C10orf143: variants seen among roughly 807,000 people sequenced by gnomAD.
C10orf143 encodes chromosome 10 open reading frame 143, also known as uncharacterized protein C10orf143.
At chr10:130,086,587 G>A (rs1861295003) in intron 1 of C10orf143, among the ~76,000 whole-genome samples, 1 of 152,174 alleles carries the variant, frequency 6.6e-6, no homozygotes, top group Non-Finnish European at 1.5e-5. Flanking sequence ...GCAAAAGGAG[G>A]TGTGTTATGT....
chr10:130,050,142 AGAC>A, intron 3 of C10orf143, among the ~76,000 whole-genome samples: 1 of 152,362 alleles, frequency 6.6e-6, no homozygotes, highest in African/African-American at 2.4e-5. Context: ...CGCCTGGGCG[AGAC>A]ATTCCTGGCA....
rs377654537 is a variant in C10orf143, at chr10:130,064,069, G to T, written c.*285C>A. On this transcript the variant is annotated 3_prime_UTR_variant, in exon 4 of 4. Transcript: ENST00000637128. ...CAAAATTTTTTGACTTGTAAATAAT[G>T]CAATTGATCTCCCTCTCAACCAGGA... The T allele has an allele frequency of 3.3e-5, 10 of 307,556 alleles. No individual in the cohort carries two copies. Among genetic ancestry groups the T allele is most frequent in the Middle Eastern group, 1.8e-3 (2 of 1,142 alleles). The allele number at this position is 307,556 out of a possible 1,614,324, so 19.1% of individuals were successfully genotyped here. A position where few individuals can be genotyped will look rare whatever the true frequency, so the allele number is the denominator to read the frequency against.
intron 1 of C10orf143, among the ~76,000 whole-genome samples, chr10:130,085,281 T>A (rs1861273259): frequency 6.6e-6 from 1 of 152,178 alleles, no homozygotes; most frequent in South Asian, 2.1e-4. Context: ...AATAGTAACT[T>A]TACCGTGGAT....
chr10:130,037,189 G>GAGGA (rs1301137236), intron 3 of C10orf143, among the ~76,000 whole-genome samples: 1 of 152,342 alleles, frequency 6.6e-6, no homozygotes, highest in Admixed American at 6.5e-5. Flanking sequence ...TGCCCTGTGG[G>GAGGA]AGGAGATGGG....
At chr10:130,084,470 A>C (rs1489128107) in intron 1 of C10orf143, among the ~76,000 whole-genome samples, 1 of 152,246 alleles carries the variant, frequency 6.6e-6, no homozygotes, top group East Asian at 1.9e-4. Flanking sequence ...TAAATAAGTA[A>C]ATACACTGTA....
chr10:130,060,550 GCA>G (rs1430813703), downstream of C10orf143, among the ~76,000 whole-genome samples: 25 of 152,330 alleles, frequency 1.6e-4, no homozygotes, highest in African/African-American at 5.8e-4. Flanking sequence ...GCAGCCGGGC[GCA>G]GTGGCTCACG....
At chr10:130,054,429 G>A (rs1298277742) in intron 3 of C10orf143, among the ~76,000 whole-genome samples, 2 of 152,230 alleles carry the variant, frequency 1.3e-5, no homozygotes, top group East Asian at 3.9e-4. Flanking sequence ...CTTTGAGTGG[G>A]CATGCAGGTT....
At chr10:130,036,544 C>T (rs1344539633) in intron 3 of C10orf143, among the ~76,000 whole-genome samples, 1 of 152,188 alleles carries the variant, frequency 6.6e-6, no homozygotes, top group Non-Finnish European at 1.5e-5. Context: ...GGCCATTTCT[C>T]CAAGCTCTGC....
chr10:130,088,473 T>A (rs1321203746), intron 1 of C10orf143, among the ~76,000 whole-genome samples: 1 of 152,242 alleles, frequency 6.6e-6, no homozygotes, highest in African/African-American at 2.4e-5. Flanking sequence ...ATATATTTTA[T>A]ATAAAATAAT....
At chr10:130,046,207 G>A (rs1351250678) in intron 3 of C10orf143, among the ~76,000 whole-genome samples, 1 of 151,660 alleles carries the variant, frequency 6.6e-6, no homozygotes, top group Non-Finnish European at 1.5e-5. Flanking sequence ...GGCGTGGCGC[G>A]GAGTGGGGTG....
At chr10:130,095,759 G>A (rs1376076161) in intron 1 of C10orf143, among the ~76,000 whole-genome samples, 1 of 152,066 alleles carries the variant, frequency 6.6e-6, no homozygotes, top group African/African-American at 2.4e-5. Context: ...ACTGAAACTG[G>A]ACCCCTTCCT....
chr10:130,087,459 A>G (rs1186556780), intron 1 of C10orf143, among the ~76,000 whole-genome samples: 2 of 152,204 alleles, frequency 1.3e-5, no homozygotes, highest in African/African-American at 4.8e-5. Flanking sequence ...TGGCCGAGAA[A>G]TAGACGCTGT....
At chr10:130,062,027 C>T (rs150861246), downstream of C10orf143, among the ~76,000 whole-genome samples, 113 of 152,274 alleles carry the variant, frequency 7.4e-4, no homozygotes, top group African/African-American at 2.6e-3. Flanking sequence ...AACAAGGCCA[C>T]GGGCAGGACC....
At chr10:130,101,406 G>A (rs1314940056) in intron 1 of C10orf143, among the ~76,000 whole-genome samples, 1 of 152,040 alleles carries the variant, frequency 6.6e-6, no homozygotes, top group Non-Finnish European at 1.5e-5. Flanking sequence ...CCAGAGACAA[G>A]AGACACGTTC....
intron 3 of C10orf143, among the ~76,000 whole-genome samples, chr10:130,058,564 G>A (rs1860820636): frequency 7.2e-6 from 1 of 139,464 alleles, no homozygotes; most frequent in African/African-American, 2.6e-5. Flanking sequence ...AAATGCACTA[G>A]TAGGTTTTAA....
At chr10:130,044,360 T>C (rs1450241655) in intron 3 of C10orf143, among the ~76,000 whole-genome samples, 2 of 152,116 alleles carry the variant, frequency 1.3e-5, no homozygotes, top group African/African-American at 4.8e-5. Context: ...GGAGAGGTCT[T>C]GGCTGCACCC....
chr10:130,108,957 C>T (rs746440405), intron 1 of C10orf143, among the ~76,000 whole-genome samples: 1 of 152,210 alleles, frequency 6.6e-6, no homozygotes, highest in Non-Finnish European at 1.5e-5. Context: ...ATTGCCTCCA[C>T]ACCACTCTTC....
chr10:130,094,922 G>C (rs551373829), intron 1 of C10orf143, among the ~76,000 whole-genome samples: 1 of 152,172 alleles, frequency 6.6e-6, no homozygotes, highest in Non-Finnish European at 1.5e-5. Context: ...AATAGGAAGA[G>C]AGGAAGTCAA....
intron 1 of C10orf143, among the ~76,000 whole-genome samples, chr10:130,110,462 G>A (rs971586235): frequency 2.0e-5 from 3 of 152,248 alleles, no homozygotes; most frequent in Admixed American, 6.5e-5. Context: ...GGGTCAGGAA[G>A]GTGCCCGAGC....
Sources: allele counts gnomAD v4.1 joint callset (sites outside exome capture counted in the v4.1 genomes callset), GRCh38; gene constraint gnomAD v4.1.1; transcripts MANE v1.5; gene names NCBI Gene and HGNC (gene_info 2026-07-23, HGNC 2026-07-21).